RCAN2: variants seen among roughly 807,000 people sequenced by gnomAD.
RCAN2 encodes the protein regulator of calcineurin 2, also known as calcipressin-2.
A neutral mutation model predicts 23.6 loss-of-function variants in RCAN2; 9 were observed. The ratio of observed to expected loss-of-function variants is 0.38; its 90% CI spans 0.23 to 0.67. RCAN2 has a LOEUF of 0.67. Among genes scored for constraint, RCAN2 ranks in the 30% least tolerant of loss-of-function variants. The pLI is 0.51. For synonymous variants in RCAN2, 109 were observed against 115.7 expected (o/e 0.94, Z 0.37); for missense variants, 273 against 302.3 (o/e 0.90, Z 0.72).
chr6:46,441,830 A>G (rs1390706904), intron 2 of RCAN2, among the ~76,000 whole-genome samples: 1 of 152,242 alleles, frequency 6.6e-6, no homozygotes, highest in Non-Finnish European at 1.5e-5. Flanking sequence ...GTTGAACACC[A>G]TAAGCACAAA....
At chr6:46,395,904 G>A (rs1489127230) in intron 2 of RCAN2, among the ~76,000 whole-genome samples, 1 of 152,128 alleles carries the variant, frequency 6.6e-6, no homozygotes, top group Non-Finnish European at 1.5e-5. Context: ...TGATTGTTGA[G>A]TTCTGTGTGC....
intron 2 of RCAN2, among the ~76,000 whole-genome samples, chr6:46,267,027 A>G (rs1767355353): frequency 6.6e-6 from 1 of 152,220 alleles, no homozygotes. Flanking sequence ...ACAAACAAAC[A>G]AAAAAACAGG....
At chr6:46,244,903 C>G (rs1766459436) in intron 4 of RCAN2, among the ~76,000 whole-genome samples, 1 of 152,254 alleles carries the variant, frequency 6.6e-6, no homozygotes, top group Non-Finnish European at 1.5e-5. Flanking sequence ...CTGGCAGCTT[C>G]AAGGACCTTG....
intron 2 of RCAN2, among the ~76,000 whole-genome samples, chr6:46,417,825 C>A (rs895388905): frequency 6.6e-6 from 1 of 152,166 alleles, no homozygotes; most frequent in Non-Finnish European, 1.5e-5. Context: ...TTCCTAAGAG[C>A]CAGGCACTGT....
At chr6:46,307,308 C>T (rs1435350719) in intron 2 of RCAN2, among the ~76,000 whole-genome samples, 1 of 152,060 alleles carries the variant, frequency 6.6e-6, no homozygotes, top group Non-Finnish European at 1.5e-5. Flanking sequence ...AAGACAAACA[C>T]GTCATTAAGG....
At chr6:46,323,067 G>C (rs1398727156) in intron 2 of RCAN2, among the ~76,000 whole-genome samples, 1 of 152,156 alleles carries the variant, frequency 6.6e-6, no homozygotes, top group Admixed American at 6.5e-5. Flanking sequence ...TAAGTGGCTA[G>C]AGTGTTTGTG....
intron 2 of RCAN2, among the ~76,000 whole-genome samples, chr6:46,362,005 C>T (rs954690983): frequency 6.6e-6 from 1 of 152,158 alleles, no homozygotes; most frequent in African/African-American, 2.4e-5. Flanking sequence ...GAATTTGAAA[C>T]TTAAATCTTT....
chr6:46,358,930 AGGTGAC>A (rs781146228), intron 2 of RCAN2, among the ~76,000 whole-genome samples: 29 of 152,184 alleles, frequency 1.9e-4, no homozygotes, highest in Non-Finnish European at 2.8e-4. Flanking sequence ...CCACTAAACT[AGGTGAC>A]GTCTGGGGGA....
At chr6:46,371,063 T>A (rs1370064778) in intron 2 of RCAN2, among the ~76,000 whole-genome samples, 2 of 152,198 alleles carry the variant, frequency 1.3e-5, no homozygotes, top group Admixed American at 6.5e-5. Context: ...TTGTATAGTA[T>A]GTATGTACAT....
Position 46,246,844 on chromosome 6 carries a change from G to A in RCAN2, c.475C>T (p.Pro159Ser), listed in dbSNP as rs1766530604. The A allele has an allele frequency of 5.6e-6, 9 of 1,613,092 alleles. No individual in the cohort carries two copies. The highest frequency in any genetic ancestry group is 2.2e-5 in the East Asian group (1 of 44,824). The change falls in exon 4 of 5, where the codon CCC becomes TCC. Residue 159 changes from proline (P) to serine (S), a missense_variant. Coordinates refer to ENST00000371374, the MANE Select transcript of RCAN2 (RefSeq NM_001251974.2). Reference sequence around the variant, plus strand: ...CAGCCAACAGGTGGGGAGGAAGGGGGCGAGATGAGAAACTGTTTGGCAGGC... The same window carrying A: ...CAGCCAACAGGTGGGGAGGAAGGGGACGAGATGAGAAACTGTTTGGCAGGC... ...PQPAKQFLIS[P>S]PSSPPVGWQP...
chr6:46,303,823 T>G (rs116020266), intron 2 of RCAN2, among the ~76,000 whole-genome samples: 3,069 of 152,226 alleles, frequency 0.02, 34 homozygotes, highest in Middle Eastern at 0.027. Flanking sequence ...ATCCCATTGA[T>G]GACTGGTGAC....
intron 2 of RCAN2, among the ~76,000 whole-genome samples, chr6:46,253,295 G>A (rs1349643138): frequency 6.6e-6 from 1 of 152,004 alleles, no homozygotes; most frequent in Non-Finnish European, 1.5e-5. Flanking sequence ...CTTTATTATT[G>A]GGCAACACAC....
chr6:46,291,117 G>T (rs1762545489), intron 2 of RCAN2, among the ~76,000 whole-genome samples: 1 of 152,024 alleles, frequency 6.6e-6, no homozygotes, highest in South Asian at 2.1e-4. Context: ...TCTAGGAAAG[G>T]GTAGAAGAGG....
At chr6:46,415,886 G>A (rs1407136260) in intron 2 of RCAN2, among the ~76,000 whole-genome samples, 1 of 152,154 alleles carries the variant, frequency 6.6e-6, no homozygotes, top group Non-Finnish European at 1.5e-5. Context: ...GGATACTTGA[G>A]TCTGTGATAT....
chr6:46,398,740 G>A (rs1401036953), intron 2 of RCAN2, among the ~76,000 whole-genome samples: 2 of 152,070 alleles, frequency 1.3e-5, no homozygotes, highest in Non-Finnish European at 2.9e-5. Context: ...TACCAGACAT[G>A]CCAAACTCGA....
At chr6:46,488,131 A>C (rs59108889) in intron 1 of RCAN2, among the ~76,000 whole-genome samples, 20,581 of 152,246 alleles carry the variant, frequency 0.14, 2,016 homozygotes, top group African/African-American at 0.24. Flanking sequence ...CCTAGGGCAA[A>C]AAACACATTC....
intron 4 of RCAN2, among the ~76,000 whole-genome samples, chr6:46,242,273 C>T (rs551113772): frequency 7.2e-5 from 11 of 152,298 alleles, no homozygotes; most frequent in South Asian, 2.1e-4. Flanking sequence ...CACCAATATT[C>T]CTCCTTAAAG....
chr6:46,254,946 A>AG (rs1214225097), intron 2 of RCAN2, among the ~76,000 whole-genome samples: 1 of 152,214 alleles, frequency 6.6e-6, no homozygotes, highest in Non-Finnish European at 1.5e-5. Context: ...ACCAGAAGCT[A>AG]GGAAGAAGCA....
At chr6:46,313,464 C>T (rs1763329878) in intron 2 of RCAN2, among the ~76,000 whole-genome samples, 1 of 152,204 alleles carries the variant, frequency 6.6e-6, no homozygotes, top group Non-Finnish European at 1.5e-5. Flanking sequence ...ATAATGGCTC[C>T]TATTTATTGA....
Sources: gnomAD v4.1 joint callset for allele counts (sites outside exome capture counted in the v4.1 genomes callset) on GRCh38, gnomAD v4.1.1 for gene constraint, MANE v1.5 for transcripts, NCBI Gene and HGNC (gene_info 2026-07-23, HGNC 2026-07-21) for gene names.